GGACT: variants seen among roughly 807,000 people sequenced by gnomAD.
GGACT encodes gamma-glutamylaminecyclotransferase.
For synonymous variants in GGACT, 118 were observed against 115.3 expected (o/e 1.02, Z -0.15); for missense variants, 241 against 233.2 (o/e 1.03, Z -0.22).
chr13:100,569,114 G>A (rs532559994), intron 2 of GGACT, among the ~76,000 whole-genome samples: 49 of 152,296 alleles, frequency 3.2e-4, no homozygotes, highest in Admixed American at 1.5e-3. Flanking sequence ...CCAGGTGCAC[G>A]GTGCAAGCCA....
intron 2 of GGACT, among the ~76,000 whole-genome samples, chr13:100,577,100 A>G (rs1875269147): frequency 6.6e-6 from 1 of 152,218 alleles, no homozygotes. Flanking sequence ...TCTGACTTGA[A>G]TAAACCAACT....
chr13:100,541,641 T>G (rs907345154), intron 2 of GGACT: 3 of 152,248 alleles, frequency 2.0e-5, no homozygotes, highest in African/African-American at 7.2e-5. Context: ...GAGTAGTGGT[T>G]GTGGCCTTAA....
chr13:100,587,670 C>T (rs1288790062), intron 1 of GGACT, among the ~76,000 whole-genome samples: 1 of 152,158 alleles, frequency 6.6e-6, no homozygotes, highest in Non-Finnish European at 1.5e-5. Flanking sequence ...AAATAGGTCA[C>T]CTTTAGTTTT....
intron 1 of GGACT, among the ~76,000 whole-genome samples, chr13:100,584,992 T>TA (rs1397084906): frequency 1.3e-5 from 2 of 152,132 alleles, no homozygotes; most frequent in African/African-American, 4.8e-5. Context: ...AATTTAGATT[T>TA]AAAAAAAGTC....
At chr13:100,547,128 C>T (rs190940605) in intron 2 of GGACT, among the ~76,000 whole-genome samples, 273 of 152,316 alleles carry the variant, frequency 1.8e-3, no homozygotes, top group African/African-American at 6.1e-3. Context: ...TCAGTGCCGG[C>T]TCTGCCACCT....
At chr13:100,535,588 T>A (rs1566528166) in intron 2 of GGACT, among the ~76,000 whole-genome samples, 1 of 152,190 alleles carries the variant, frequency 6.6e-6, no homozygotes, top group Non-Finnish European at 1.5e-5. Context: ...GCTGCTGTCA[T>A]CACTGTAGAA....
intron 2 of GGACT, among the ~76,000 whole-genome samples, chr13:100,543,316 T>C (rs1190563539): frequency 6.8e-6 from 1 of 146,656 alleles, no homozygotes; most frequent in Non-Finnish European, 1.5e-5. Context: ...CAAGCAGTTC[T>C]CCTGCCTCAG....
At chr13:100,537,670 A>T (rs1049570582) in intron 2 of GGACT, 2 of 152,242 alleles carry the variant, frequency 1.3e-5, no homozygotes, top group African/African-American at 4.8e-5. Flanking sequence ...TGCACAGCAC[A>T]GGCACTCTCC....
chr13:100,541,201 G>A (rs1442374134), intron 2 of GGACT, among the ~76,000 whole-genome samples: 1 of 152,216 alleles, frequency 6.6e-6, no homozygotes, highest in South Asian at 2.1e-4. Context: ...ATCAGACACA[G>A]TGTGAGCCCA....
At chr13:100,583,661 G>T (rs1260480125) in intron 2 of GGACT, among the ~76,000 whole-genome samples, 164 bp downstream of exon 2, 1 of 152,126 alleles carries the variant, frequency 6.6e-6, no homozygotes, top group Non-Finnish European at 1.5e-5. Context: ...CTCCTAAAGT[G>T]CTGGAATTAC....
intron 2 of GGACT, chr13:100,538,158 C>T (rs2088515462): frequency 6.6e-6 from 1 of 152,218 alleles, no homozygotes; most frequent in African/African-American, 2.4e-5. Flanking sequence ...AAGATGAGGG[C>T]TCTGGCCCGA....
chr13:100,534,208 C>T lies in GGACT; in HGVS notation c.-10-1607G>A, dbSNP rs750522188. ...GTTCTATCACCAGCCTGTGCAACAA[C>T]AGTATTCCCCAGATTTCAGGCACAT... is the stretch of plus-strand genomic sequence containing the variant. On this transcript the variant is annotated intron_variant, in intron 2 of 2. Transcript: ENST00000683975. This position sits in a 1 kb window ranked among gnomAD's most constrained non-coding sequence, Gnocchi z 4.9. 9.9e-5 allele frequency among the ~76,000 whole-genome samples: 15 copies of T among 152,206 alleles called. No individual in the cohort carries two copies. Among genetic ancestry groups the T allele is most frequent in the Admixed American group, 5.2e-4 (8 of 15,286 alleles).
intron 2 of GGACT, among the ~76,000 whole-genome samples, chr13:100,577,034 T>G (rs1227849850): frequency 2.0e-5 from 3 of 152,206 alleles, no homozygotes; most frequent in Admixed American, 6.5e-5. Flanking sequence ...TACAAAATTA[T>G]TTTTAAAAGA....
Position 100,530,647 on chromosome 13 carries a change from T to A in GGACT, c.*1483A>T. On this transcript the variant is annotated 3_prime_UTR_variant, in exon 3 of 3. Transcript: ENST00000683975. ...TGAGGCCCTCACTCCTGGTGCTGAT[T>A]TTCAAAACTTCCTAAGGACCAGAGA... 1 of 241,402 alleles carries A rather than the reference T, an allele frequency of 4.1e-6. No homozygotes were observed. Among genetic ancestry groups the A allele is most frequent in the Non-Finnish European group, 8.1e-6 (1 of 123,314 alleles). 15.0% of individuals were successfully genotyped at this position (241,402 alleles called of 1,614,324 possible). A position where few individuals can be genotyped will look rare whatever the true frequency, so the allele number is the denominator to read the frequency against.
intron 2 of GGACT, among the ~76,000 whole-genome samples, chr13:100,532,869 C>G (rs2088435294): frequency 6.6e-6 from 1 of 152,240 alleles, no homozygotes; most frequent in East Asian, 1.9e-4. Flanking sequence ...CAGGTCGGCT[C>G]TAACCTGTGG....
intron 2 of GGACT, 48 bp from the exon 3 acceptor site, chr13:100,532,649 T>C: frequency 7.0e-7 from 1 of 1,419,444 alleles, no homozygotes; most frequent in South Asian, 1.4e-5. Context: ...GGGAGCTCTG[T>C]GTCTGCACCT....
intron 2 of GGACT, among the ~76,000 whole-genome samples, chr13:100,567,844 C>T (rs1486232806): frequency 2.0e-5 from 3 of 152,176 alleles, no homozygotes; most frequent in Non-Finnish European, 4.4e-5. Context: ...ACCTGGCTCC[C>T]ACTAGCCTGA....
chr13:100,563,093 GA>G (rs992957592), intron 2 of GGACT, among the ~76,000 whole-genome samples: 1 of 152,222 alleles, frequency 6.6e-6, no homozygotes, highest in African/African-American at 2.4e-5. Context: ...AGAACTGTGA[GA>G]AAGTTCTGTT....
chr13:100,577,705 G>A (rs997290600), intron 2 of GGACT, among the ~76,000 whole-genome samples: 5 of 152,060 alleles, frequency 3.3e-5, no homozygotes, highest in African/African-American at 7.2e-5. Context: ...CTCTGATCCC[G>A]GGTGGGTGGC....
Sources: gnomAD v4.1 joint callset for allele counts (sites outside exome capture counted in the v4.1 genomes callset) on GRCh38, gnomAD v4.1.1 for gene constraint, Gnocchi (gnomAD v3.1) non-coding constraint, MANE v1.5 for transcripts, NCBI Gene and HGNC (gene_info 2026-07-23, HGNC 2026-07-21) for gene names.